The following HCRTR1 variants were observed in gnomAD, a reference collection of about 807,000 sequenced individuals.
The protein encoded by HCRTR1 is hypocretin receptor 1, also known as orexin/Hypocretin receptor type 1.
HCRTR1 carries 28 observed loss-of-function variants against 40.6 expected under a neutral mutation model. The ratio of observed to expected loss-of-function variants is 0.69; its 90% CI spans 0.51 to 0.95. HCRTR1 has a LOEUF of 0.95. Ranked by LOEUF, HCRTR1 falls within the 40% of genes least tolerant of loss-of-function variation. The probability of loss-of-function intolerance (pLI) is 0.00; values close to 1 mark genes in which losing one functional copy is unlikely to be tolerated. For missense variants in HCRTR1, 482 were observed against 564.7 expected, an observed-to-expected ratio of 0.85 and a Z score of 1.48; for synonymous variants, 209 against 230.0, an observed-to-expected ratio of 0.91 and a Z score of 0.83.
chr1:31,625,051 C>T lies in HCRTR1; in HGVS notation c.1020C>T (p.Phe340=). 6.2e-7 allele frequency: 1 copy of T among 1,613,172 alleles called. No homozygotes were observed. The highest frequency in any genetic ancestry group is 8.5e-7 in the Non-Finnish European group (1 of 1,179,544). The part of the protein sequence containing the change: ...ASDREAVYAC[F]TFSHWLVYAN... ...ACCGCGAAGCTGTCTACGCCTGCTT[C>T]ACCTTCTCCCACTGGCTGGTGTACG... is the stretch of plus-strand genomic sequence containing the variant. The change falls in exon 8 of 9, where the codon TTC becomes TTT. Residue 340 remains phenylalanine (F), a synonymous_variant. Coordinates refer to ENST00000403528, the MANE Select transcript of HCRTR1 (RefSeq NM_001525.3). This position sits in a 1 kb window ranked among gnomAD's most constrained non-coding sequence, Gnocchi z 4.2.
rs1265191087 is a variant in HCRTR1, at chr1:31,623,654, G to A, written c.870G>A (p.Met290Ile). The A allele has an allele frequency of 6.2e-7, 1 of 1,613,990 alleles. No homozygotes were observed. Among genetic ancestry groups the A allele is most frequent in the Non-Finnish European group, 8.5e-7 (1 of 1,180,058 alleles). ...CCTTCCTGGCTGAAGTGAAGCAGAT[G>A]CGTGCACGGAGGAAGACAGCCAAGA... ...ARAFLAEVKQ[M>I]RARRKTAKML... Residue 290 changes from methionine (M) to isoleucine (I), a missense_variant, in exon 7 of 9, where the codon ATG (methionine) becomes ATA (isoleucine). Coordinates refer to ENST00000403528, the MANE Select transcript of HCRTR1 (RefSeq NM_001525.3).
Position 31,626,517 on chromosome 1 carries a change from ACAC to A in HCRTR1, c.1088-269_1088-267del, listed in dbSNP as rs1639978879. 3.9e-5 allele frequency among the ~76,000 whole-genome samples: 6 copies of A among 152,254 alleles called. No individual in the cohort carries two copies. The South Asian group carries it at 1.0e-3, about 26-fold the overall frequency. ...AGGTGACCTGAGGCCCCCGAGCCAG[ACAC>A]CACGTTTTGAGTCAGCCTCCGAGCC... On this transcript the variant is annotated intron_variant, in intron 8 of 8. Coordinates refer to ENST00000403528, the MANE Select transcript of HCRTR1 (RefSeq NM_001525.3). The surrounding 1 kb of genome is among the most constrained non-coding windows in gnomAD (Gnocchi z 4.6).
Position 31,619,177 on chromosome 1 carries a change from AG to A in HCRTR1, c.-15del, listed in dbSNP as rs1639793442. On this transcript the variant is annotated 5_prime_UTR_variant, in exon 3 of 9. An upstream open reading frame in the 5' UTR loses its in-frame stop. Coordinates refer to ENST00000403528, the MANE Select transcript of HCRTR1 (RefSeq NM_001525.3). ...AGAGCCTAGGATGCCCCTCTGCTGC[AG>A]CGGCTCCTGAGCTCATGGAGCCCTC... is the stretch of plus-strand genomic sequence containing the variant. 6.2e-7 allele frequency: 1 copy of A among 1,605,936 alleles called. No individual in the cohort carries two copies. The highest frequency in any genetic ancestry group is 1.3e-5 in the African/African-American group (1 of 74,946).
intron 6 of HCRTR1, among the ~76,000 whole-genome samples, chr1:31,622,117 G>C (rs995676497): frequency 2.6e-5 from 4 of 152,186 alleles, no homozygotes; most frequent in Non-Finnish European, 4.4e-5. Flanking sequence ...TGCCAAATAA[G>C]GGCAACCAAC....
chr1:31,625,167 A>G lies in HCRTR1; in HGVS notation c.1087+49A>G, dbSNP rs1268022170. 1.3e-6 allele frequency: 2 copies of G among 1,534,390 alleles called. No individual in the cohort carries two copies. The highest frequency in any genetic ancestry group is 1.9e-5 in the Admixed American group (1 of 51,822). On this transcript the variant is annotated intron_variant, in intron 8 of 8. Coordinates refer to ENST00000403528, the MANE Select transcript of HCRTR1 (RefSeq NM_001525.3). The surrounding 1 kb of genome is among the most constrained non-coding windows in gnomAD (Gnocchi z 4.2). ...TGACTGAGGGTGGCCAACAGTCCAC[A>G]TGACAAGTCTCCCCATCCCCAAGCC...
At chr1:31,630,228 T>C, downstream of HCRTR1, 2 of 261,506 alleles carry the variant, frequency 7.6e-6, no homozygotes, top group Non-Finnish European at 1.5e-5. Flanking sequence ...GATGGCCTGG[T>C]GAGGGAACAC....
chr1:31,623,390 C>T (rs1639901907), intron 6 of HCRTR1, 133 bp from the exon 7 acceptor site: 1 of 631,210 alleles, frequency 1.6e-6, no homozygotes, highest in South Asian at 2.0e-5. Flanking sequence ...TAGATTCCTT[C>T]CTCTTGCAAG....
chr1:31,620,957 A>C lies in HCRTR1; in HGVS notation c.493A>C (p.Ile165Leu). 1 of 1,614,050 alleles carries C rather than the reference A, an allele frequency of 6.2e-7. No individual in the cohort carries two copies. The highest frequency in any genetic ancestry group is 8.5e-7 in the Non-Finnish European group (1 of 1,180,014). The stretch of plus-strand genomic sequence containing the variant: ...CACAGCCCGGCGGGCCCGTGGCTCC[A>C]TCCTGGGCATCTGGGCTGTGTCGCT... ...KSTARRARGS[I>L]LGIWAVSLAI... The change falls in exon 5 of 9, where the codon ATC (isoleucine) becomes CTC (leucine). Residue 165 changes from isoleucine (I) to leucine (L), a missense_variant. By Grantham distance (5) the Ile-to-Leu change is conservative (BLOSUM62 2). Transcript: ENST00000403528.
At chr1:31,632,284 C>G (rs1168856454), downstream of HCRTR1, 2 of 836,268 alleles carry the variant, frequency 2.4e-6, no homozygotes, top group African/African-American at 3.4e-5. Flanking sequence ...AGCCCTGATT[C>G]TGGACCCAGG....
chr1:31,625,954 C>T lies in HCRTR1; in HGVS notation c.1087+836C>T, dbSNP rs187016762. On this transcript the variant is annotated intron_variant, in intron 8 of 8. Transcript: ENST00000403528. This position sits in a 1 kb window ranked among gnomAD's most constrained non-coding sequence, Gnocchi z 4.2. Reference sequence around the variant, plus strand: ...AAGAATTACTCAACAAGGCTGGCTGCGGGTTTCCAGGTCAGAAAAGAGAAT... The same window carrying T: ...AAGAATTACTCAACAAGGCTGGCTGTGGGTTTCCAGGTCAGAAAAGAGAAT... 3.9e-5 allele frequency among the ~76,000 whole-genome samples: 6 copies of T among 152,300 alleles called. No homozygotes were observed. The highest frequency in any genetic ancestry group is 7.2e-5 in the African/African-American group (3 of 41,556).
At position 31,621,488 on chromosome 1, in the gene HCRTR1, C is replaced by T. The variant is rs1639855287; in HGVS notation, c.634C>T (p.Pro212Ser). ...CDERWADDLY[P>S]KIYHSCFFIV... is the part of the protein sequence containing the mutation. ...CTTGACCCCTGCAGATGACCTCTAT[C>T]CCAAGATCTACCACAGTTGCTTCTT... Residue 212 changes from proline (P) to serine (S), a missense_variant, in exon 6 of 9, where the codon CCC (proline) becomes TCC (serine). Coordinates refer to ENST00000403528, the MANE Select transcript of HCRTR1 (RefSeq NM_001525.3). 2 of 1,613,004 alleles carry T rather than the reference C, an allele frequency of 1.2e-6. No homozygotes were observed. Among genetic ancestry groups the T allele is most frequent in the Non-Finnish European group, 1.7e-6 (2 of 1,178,946 alleles).
At chr1:31,630,751 C>T (rs1640074784), downstream of HCRTR1, 8 of 1,614,012 alleles carry the variant, frequency 5.0e-6, no homozygotes, top group Non-Finnish European at 6.8e-6. Flanking sequence ...AGCGGTCAAG[C>T]TGCATGGCAG....
Position 31,623,729 on chromosome 1 carries a change from C to A in HCRTR1, c.945C>A (p.Ser315Arg). 6.2e-7 allele frequency: 1 copy of A among 1,613,938 alleles called. No homozygotes were observed. The highest frequency in any genetic ancestry group is 8.5e-7 in the Non-Finnish European group (1 of 1,179,898). Residue 315 changes from serine (S) to arginine (R), a missense_variant, in exon 7 of 9, where the codon AGC (serine) becomes AGA (arginine). By Grantham distance (110) the Ser-to-Arg change is moderately radical. Transcript: ENST00000403528. ...LVFALCYLPISVLNVLKRVFG... is the reference protein window; with the variant it reads ...LVFALCYLPIRVLNVLKRVFG... ...TCGCCCTCTGCTACCTGCCCATCAG[C>A]GTCCTCAATGTCCTTAAGAGGTGAG...
downstream of HCRTR1, chr1:31,633,377 C>A: frequency 6.6e-7 from 1 of 1,508,594 alleles, no homozygotes; most frequent in Non-Finnish European, 8.9e-7. Flanking sequence ...TCAGTAACTT[C>A]CTGGCTACAG....
chr1:31,621,366 A>G, intron 5 of HCRTR1, 111 bp from the exon 6 acceptor site: 2 of 898,230 alleles, frequency 2.2e-6, no homozygotes, highest in Non-Finnish European at 3.7e-6. Context: ...TATGGGGTCC[A>G]GCTGCTCCTA....
downstream of HCRTR1, chr1:31,632,782 A>C: frequency 2.1e-6 from 2 of 943,590 alleles, no homozygotes; most frequent in Non-Finnish European, 3.1e-6. Context: ...AGATGCCTGC[A>C]CCTGAGACAC....
downstream of HCRTR1, among the ~76,000 whole-genome samples, chr1:31,628,112 T>C (rs184464612): frequency 1.3e-3 from 203 of 152,174 alleles, no homozygotes; most frequent in African/African-American, 4.6e-3. Context: ...GCTACTCTGC[T>C]GAGAGGAACA....
In HCRTR1 at chr1:31,627,436, T is replaced by TCTGGGCCCGCTGGAGAAAGG; in HGVS notation, c.*464_*465insGCTGGAGAAAGGCTGGGCCC. 1 of 1,094,418 alleles carries TCTGGGCCCGCTGGAGAAAGG rather than the reference T, an allele frequency of 9.1e-7. No individual in the cohort carries two copies. The highest frequency in any genetic ancestry group is 1.2e-6 in the Non-Finnish European group (1 of 809,644). The allele number at this position is 1,094,418 out of a possible 1,614,324, so 67.8% of individuals were successfully genotyped here. On this transcript the variant is annotated 3_prime_UTR_variant, in exon 9 of 9. Coordinates refer to ENST00000403528, the MANE Select transcript of HCRTR1 (RefSeq NM_001525.3). The stretch of plus-strand genomic sequence containing the variant: ...CTGTTCTGATGCCTGTGTGAACTAA[T>TCTGGGCCCGCTGGAGAAAGG]CTGGGCCCAGCCTTTCTCCAGCGGG...
intron 7 of HCRTR1, 96 bp from the exon 8 acceptor site, chr1:31,624,901 T>G (rs1286703690): frequency 7.4e-7 from 1 of 1,347,392 alleles, no homozygotes; most frequent in African/African-American, 1.5e-5. Flanking sequence ...CAGTAGGAAC[T>G]CTTGCACTTT....
Sources: allele counts gnomAD v4.1 joint callset (sites outside exome capture counted in the v4.1 genomes callset), GRCh38; gene constraint gnomAD v4.1.1; non-coding constraint Gnocchi (gnomAD v3.1); transcripts MANE v1.5; gene names NCBI Gene and HGNC (gene_info 2026-07-23, HGNC 2026-07-21).